KHDRBS1: variants seen among roughly 807,000 people sequenced by gnomAD.
The protein encoded by KHDRBS1 is KH RNA binding domain containing, signal transduction associated 1.
A neutral mutation model predicts 48.4 loss-of-function variants in KHDRBS1; 7 were observed. The observed-to-expected ratio is 0.14, with a 90% CI of 0.08 to 0.27. KHDRBS1 has a LOEUF of 0.27. Among genes scored for constraint, KHDRBS1 ranks in the 10% least tolerant of loss-of-function variants. The pLI is 1.00. For missense variants in KHDRBS1, 458 were observed against 601.2 expected (o/e 0.76, Z 2.49); for synonymous variants, 241 against 235.8 (o/e 1.02, Z -0.20).
intron 1 of KHDRBS1, among the ~76,000 whole-genome samples, chr1:32,029,385 C>T (rs746668999): frequency 3.9e-5 from 6 of 152,156 alleles, no homozygotes; most frequent in Non-Finnish European, 7.4e-5. Context: ...TGGCTGGGCG[C>T]GGTGGCTCAC....
At chr1:32,028,572 G>A (rs1208247322) in intron 1 of KHDRBS1, among the ~76,000 whole-genome samples, 7 of 142,510 alleles carry the variant, frequency 4.9e-5, no homozygotes, top group Non-Finnish European at 7.5e-5. Context: ...GCGCGATCTC[G>A]GCTCACTGCA....
At chr1:32,019,553 G>GAA (rs1158237942) in intron 1 of KHDRBS1, among the ~76,000 whole-genome samples, 1 of 151,712 alleles carries the variant, frequency 6.6e-6, no homozygotes, top group Non-Finnish European at 1.5e-5. Context: ...AAGAAAGAAA[G>GAA]AAAGAAAAAG....
At chr1:32,021,269 G>A (rs927263919) in intron 1 of KHDRBS1, among the ~76,000 whole-genome samples, 1 of 151,880 alleles carries the variant, frequency 6.6e-6, no homozygotes, top group Non-Finnish European at 1.5e-5. Flanking sequence ...GGCCTTTGGG[G>A]GATTTTTTTT....
chr1:32,038,927 T>C (rs1639234054), intron 7 of KHDRBS1, among the ~76,000 whole-genome samples: 1 of 152,202 alleles, frequency 6.6e-6, no homozygotes, highest in African/African-American at 2.4e-5. Context: ...CCTTAAATTA[T>C]AATTTAGAAC....
intron 1 of KHDRBS1, among the ~76,000 whole-genome samples, chr1:32,029,678 T>G (rs1018042418): frequency 6.6e-6 from 1 of 152,128 alleles, no homozygotes; most frequent in South Asian, 2.1e-4. Flanking sequence ...AAAAAGTACC[T>G]TGTGCATTTT....
chr1:32,045,082 C>A (rs1423203902), downstream of KHDRBS1, among the ~76,000 whole-genome samples: 1 of 152,176 alleles, frequency 6.6e-6, no homozygotes, highest in Non-Finnish European at 1.5e-5. Flanking sequence ...TGTAAAATTT[C>A]AATGACTGTA....
chr1:32,034,803 C>A (rs1639144818), intron 4 of KHDRBS1, among the ~76,000 whole-genome samples: 2 of 150,970 alleles, frequency 1.3e-5, no homozygotes, highest in African/African-American at 4.9e-5. Context: ...TGGTGAAACC[C>A]CGTCTCTACT....
At chr1:32,022,434 G>A (rs956713904) in intron 1 of KHDRBS1, among the ~76,000 whole-genome samples, 3 of 152,210 alleles carry the variant, frequency 2.0e-5, no homozygotes, top group Non-Finnish European at 4.4e-5. Flanking sequence ...GAGGAGTGCT[G>A]TGTTTAGAAG....
In KHDRBS1 at chr1:32,014,281, A is replaced by G. The variant is rs1433295476; in HGVS notation, c.286A>G (p.Lys96Glu). ...LLPPSATASV[K>E]MEPENKYLPE... Reference sequence around the variant, plus strand: ...GCCCCCCTCGGCCACAGCCTCGGTCAAGATGGAGCCAGAGAACAAGTACCT... The same window carrying G: ...GCCCCCCTCGGCCACAGCCTCGGTCGAGATGGAGCCAGAGAACAAGTACCT... Residue 96 changes from lysine (K) to glutamate (E), a missense_variant, in exon 1 of 9, where the codon AAG becomes GAG. Lys to Glu is a moderately conservative substitution (Grantham distance 56, BLOSUM62 1). Coordinates refer to ENST00000327300, the MANE Select transcript of KHDRBS1 (RefSeq NM_006559.3). 6.4e-7 allele frequency: 1 copy of G among 1,555,078 alleles called. No individual in the cohort carries two copies.
intron 1 of KHDRBS1, among the ~76,000 whole-genome samples, chr1:32,022,290 G>A (rs1235333722): frequency 6.6e-5 from 10 of 151,976 alleles, no homozygotes; most frequent in African/African-American, 2.2e-4. Context: ...GAGCCACCGC[G>A]CCCCAGCCGG....
Position 32,033,227 on chromosome 1 carries a change from C to T in KHDRBS1, c.664C>T (p.His222Tyr). 1 of 1,614,034 alleles carries T rather than the reference C, an allele frequency of 6.2e-7. No individual in the cohort carries two copies. The highest frequency in any genetic ancestry group is 8.5e-7 in the Non-Finnish European group (1 of 1,179,928). ...CAAAGGTGGAGACCCCAAATATGCC[C>T]ACTTGAATATGGATCTGCATGTCTT... ...LRKGGDPKYA[H>Y]LNMDLHVFIE... is the part of the protein sequence containing the mutation. The change falls in exon 4 of 9, where the codon CAC (histidine) becomes TAC (tyrosine). Residue 222 changes from histidine to tyrosine, a missense_variant. Coordinates refer to ENST00000327300, the MANE Select transcript of KHDRBS1 (RefSeq NM_006559.3).
chr1:32,016,904 T>C (rs1213749171), intron 1 of KHDRBS1, among the ~76,000 whole-genome samples: 1 of 152,196 alleles, frequency 6.6e-6, no homozygotes, highest in Non-Finnish European at 1.5e-5. Flanking sequence ...CAGAGTGGCC[T>C]CTTATTAAAT....
chr1:32,025,183 C>G (rs1202387032), intron 1 of KHDRBS1, among the ~76,000 whole-genome samples: 1 of 150,770 alleles, frequency 6.6e-6, no homozygotes, highest in Admixed American at 6.6e-5. Context: ...GGAGGATCGC[C>G]TGAACCCAGG....
At chr1:32,034,668 C>G (rs934720564) in intron 4 of KHDRBS1, among the ~76,000 whole-genome samples, 28 of 151,780 alleles carry the variant, frequency 1.8e-4, no homozygotes, top group African/African-American at 6.5e-4. Flanking sequence ...TTTCAAGTAC[C>G]TCATCTTCAT....
intron 10 of KHDRBS1, among the ~76,000 whole-genome samples, chr1:32,054,074 CA>C (rs575542289): frequency 1.0e-4 from 15 of 148,556 alleles, no homozygotes; most frequent in African/African-American, 3.7e-4. Context: ...AACTGCATCT[CA>C]AAAAAAAACA....
intron 1 of KHDRBS1, among the ~76,000 whole-genome samples, chr1:32,024,307 TTTTTTATTAA>T (rs1190856125): frequency 6.6e-6 from 1 of 151,526 alleles, no homozygotes. Context: ...TTTTCTAAAA[TTTTTTATTAA>T]TTTTTTTTTA....
Position 32,042,268 on chromosome 1 carries a change from C to T in KHDRBS1, c.1235-259C>T, listed in dbSNP as rs3766822. 2.0e-4 allele frequency among the ~76,000 whole-genome samples: 31 copies of T among 152,278 alleles called. No individual in the cohort carries two copies. The East Asian group carries it at 5.4e-3, about 27-fold the overall frequency. On this transcript the variant is annotated intron_variant, in intron 8 of 8. Coordinates refer to ENST00000327300, the MANE Select transcript of KHDRBS1 (RefSeq NM_006559.3). ...ACAGATCACATTTGTCTATGAAGAA[C>T]CTCGTTGTGGGAGATTACTCCAGAG...
chr1:32,042,596 A>G lies in KHDRBS1; in HGVS notation c.1304A>G (p.Tyr435Cys), dbSNP rs1223882540. The change falls in exon 9 of 9, where the codon TAC becomes TGC. Residue 435 changes from tyrosine (Y) to cysteine (C), a missense_variant. Around this residue, in one of 3 missense-constraint regions of KHDRBS1, gnomAD observed 171 missense variants for 228.7 expected, o/e 0.75. Coordinates refer to ENST00000327300, the MANE Select transcript of KHDRBS1 (RefSeq NM_006559.3). ...APPARPVKGA[Y>C]REHPYGRY ...CCTGCTAGGCCAGTGAAGGGAGCATACAGAGAGCACCCATATGGACGTTAT... is the reference window on the plus strand; with the variant it reads ...CCTGCTAGGCCAGTGAAGGGAGCATGCAGAGAGCACCCATATGGACGTTAT... The G allele has an allele frequency of 6.2e-7, 1 of 1,611,868 alleles. No individual in the cohort carries two copies. Among genetic ancestry groups the G allele is most frequent in the Non-Finnish European group, 8.5e-7 (1 of 1,178,020 alleles).
chr1:32,052,308 G>GCGATCTC (rs1224531363), intron 10 of KHDRBS1: 5 of 151,738 alleles, frequency 3.3e-5, no homozygotes, highest in African/African-American at 1.2e-4. Context: ...ATTGTAAATT[G>GCGATCTC]TGTCTTTAAG....
Sources: allele counts gnomAD v4.1 joint callset (sites outside exome capture counted in the v4.1 genomes callset), GRCh38; gene constraint gnomAD v4.1.1; regional missense constraint gnomAD v4.1.1; transcripts MANE v1.5; gene names NCBI Gene and HGNC (gene_info 2026-07-23, HGNC 2026-07-21).